PRPH2: variants seen among roughly 807,000 people sequenced by gnomAD.
PRPH2 encodes the protein peripherin 2, also known as peripherin-2.
A neutral mutation model predicts 31.3 loss-of-function variants in PRPH2; 17 were observed. The observed-to-expected ratio is 0.54, with a 90% CI of 0.37 to 0.81. The LOEUF (loss-of-function observed/expected upper bound fraction) is 0.81. Among genes scored for constraint, PRPH2 ranks in the 40% least tolerant of loss-of-function variants. The pLI, the probability that PRPH2 is intolerant of heterozygous loss-of-function variation, is 0.00. For synonymous variants in PRPH2, 165 were observed against 184.4 expected (o/e 0.89, Z 0.85); for missense variants, 430 against 439.7 (o/e 0.98, Z 0.20).
chr6:42,707,747 A>G (rs1023489693), intron 1 of PRPH2, among the ~76,000 whole-genome samples: 3 of 152,146 alleles, frequency 2.0e-5, no homozygotes, highest in Non-Finnish European at 4.4e-5. Flanking sequence ...GAAGGGCTGC[A>G]TGAGGTGGCC....
chr6:42,710,981 G>A (rs937074644), intron 1 of PRPH2, among the ~76,000 whole-genome samples: 1 of 152,196 alleles, frequency 6.6e-6, no homozygotes, highest in Non-Finnish European at 1.5e-5. Flanking sequence ...GAAATTAAAT[G>A]GGATCATACA....
At chr6:42,707,251 G>T (rs1800186576) in intron 1 of PRPH2, among the ~76,000 whole-genome samples, 1 of 152,120 alleles carries the variant, frequency 6.6e-6, no homozygotes, top group Non-Finnish European at 1.5e-5. Flanking sequence ...GTTTGTTAAT[G>T]AGCTGCATGG....
At position 42,698,428 on chromosome 6, in the gene PRPH2, C is replaced by T; in HGVS notation, c.908G>A (p.Ser303Asn). The T allele has an allele frequency of 6.2e-7, 1 of 1,612,420 alleles. No homozygotes were observed. Among genetic ancestry groups the T allele is most frequent in the Non-Finnish European group, 8.5e-7 (1 of 1,178,690 alleles). ...GCTCCTCTCCAGCAGCCAGCCCTGG[C>T]TCTCGCTCTCAGATTCCTCGGGGTT... ...VSNPEESESE[S>N]QGWLLERSVP... Residue 303 changes from serine to asparagine, a missense_variant, in exon 3 of 3, where the codon AGC (serine) becomes AAC (asparagine). Transcript: ENST00000230381.
intron 1 of PRPH2, 123 bp downstream of exon 1, chr6:42,721,631 T>A: frequency 2.7e-6 from 3 of 1,116,964 alleles, no homozygotes; most frequent in Admixed American, 1.7e-5. Flanking sequence ...TACGCAGCAA[T>A]AAGTTGTGCA....
At chr6:42,716,443 G>A (rs1168505637) in intron 1 of PRPH2, among the ~76,000 whole-genome samples, 1 of 150,458 alleles carries the variant, frequency 6.6e-6, no homozygotes, top group Non-Finnish European at 1.5e-5. Context: ...TTAAGGCAGG[G>A]TCTCACTCTG....
At position 42,696,818 on chromosome 6, in the gene PRPH2, G is replaced by A. The variant is rs532597660; in HGVS notation, c.*1477C>T. The A allele has an allele frequency of 6.6e-6, 1 of 151,958 alleles. No homozygotes were observed. The highest frequency in any genetic ancestry group is 6.6e-5 in the Admixed American group (1 of 15,266). 9.4% of individuals were successfully genotyped at this position (151,958 alleles called of 1,614,324 possible). On this transcript the variant is annotated 3_prime_UTR_variant, in exon 3 of 3. Coordinates refer to ENST00000230381, the MANE Select transcript of PRPH2 (RefSeq NM_000322.5). ...AAATCTAATTAAACTTGGGACCAAC[G>A]TCTGACAGGGTGTCCAAACATCTTG...
chr6:42,699,044 CTTCTTTTTT>C lies in PRPH2; in HGVS notation c.829-546_829-538del, dbSNP rs1562420493. ...CCTTTTCTGCATCTGATGTGTGGTA[CTTCTTTTTT>C]TTTTTTTTTTTTTTTTTTGAGACAA... On this transcript the variant is annotated intron_variant, in intron 2 of 2. Coordinates refer to ENST00000230381, the MANE Select transcript of PRPH2 (RefSeq NM_000322.5). Among the ~76,000 whole-genome samples the C allele has an allele frequency of 1.4e-5, 2 of 144,724 alleles. 1 individual carries two copies. The highest frequency in any genetic ancestry group is 4.3e-4 in the South Asian group (2 of 4,644). The allele number at this position is 144,724 out of a possible 152,430, so 94.9% of individuals were successfully genotyped here.
Position 42,704,745 on chromosome 6 carries a change from G to A in PRPH2, c.582-134C>T, listed in dbSNP as rs528197804. 2.0e-4 allele frequency: 266 copies of A among 1,340,554 alleles called. 2 individuals carry two copies. The South Asian group carries it at 2.9e-3, about 15-fold the overall frequency. 83.0% of individuals were successfully genotyped at this position (1,340,554 alleles called of 1,614,324 possible). On this transcript the variant is annotated intron_variant, in intron 1 of 2. Transcript: ENST00000230381. ...CTTGGTATATATTTGCTGTGCGCCCGCTACGTGCCAGTCACTGTTCTAGGC... is the reference window on the plus strand; with the variant it reads ...CTTGGTATATATTTGCTGTGCGCCCACTACGTGCCAGTCACTGTTCTAGGC...
chr6:42,713,565 A>G (rs556057182), intron 1 of PRPH2, among the ~76,000 whole-genome samples: 15 of 151,992 alleles, frequency 9.9e-5, no homozygotes, highest in Non-Finnish European at 1.6e-4. Flanking sequence ...ATGTTTTCCA[A>G]CCCTGCATCA....
At chr6:42,702,398 GA>G (rs936350590) in intron 2 of PRPH2, among the ~76,000 whole-genome samples, 47 of 151,878 alleles carry the variant, frequency 3.1e-4, no homozygotes, top group Admixed American at 1.5e-3. Context: ...CTCCTCAATG[GA>G]AAAAGCTTCC....
intron 1 of PRPH2, among the ~76,000 whole-genome samples, chr6:42,710,014 C>T (rs1207274728): frequency 6.6e-6 from 1 of 152,178 alleles, no homozygotes; most frequent in African/African-American, 2.4e-5. Context: ...GGCTCTGAGC[C>T]ACCCTCAGTC....
intron 1 of PRPH2, among the ~76,000 whole-genome samples, chr6:42,714,158 C>T (rs1233004772): frequency 1.3e-5 from 2 of 152,084 alleles, no homozygotes; most frequent in Non-Finnish European, 2.9e-5. Context: ...AATATTATTT[C>T]ACCATATAAA....
intron 1 of PRPH2, among the ~76,000 whole-genome samples, chr6:42,717,893 C>T (rs1316175684): frequency 1.3e-5 from 2 of 152,066 alleles, no homozygotes; most frequent in Admixed American, 6.6e-5. Context: ...GGACTGGGCG[C>T]GGTGGCTCAT....
intron 1 of PRPH2, among the ~76,000 whole-genome samples, chr6:42,721,229 A>T (rs1406259553): frequency 6.6e-6 from 1 of 152,174 alleles, no homozygotes; most frequent in Non-Finnish European, 1.5e-5. Context: ...AGATCTCATG[A>T]CTTCCCCTTC....
rs140227298 is a variant in PRPH2 at position 42,721,989 on chromosome 6, C to A, written c.346G>T (p.Ala116Ser). 156 of 1,614,110 alleles carry A rather than the reference C, an allele frequency of 9.7e-5. No homozygotes were observed. In the East Asian group the frequency reaches 3.5e-3, roughly 36 times the overall value. The change falls in exon 1 of 3, where the codon GCT (alanine) becomes TCT (serine). Residue 116 changes from alanine to serine, a missense_variant. Coordinates refer to ENST00000230381, the MANE Select transcript of PRPH2 (RefSeq NM_000322.5). The stretch of plus-strand genomic sequence containing the variant: ...CCCCGAAGCAGAAAGCAGCAGAGAG[C>A]CACAAGGAAGAGGATGATGTTGAAG... ...VLFNIILFLV[A>S]LCCFLLRGSL... is the part of the protein sequence containing the mutation.
In PRPH2 at chr6:42,721,933, G is replaced by C. The variant is rs574930557; in HGVS notation, c.402C>G (p.Leu134=). 6.2e-7 allele frequency: 1 copy of C among 1,614,134 alleles called. No individual in the cohort carries two copies. The highest frequency in any genetic ancestry group is 1.3e-5 in the African/African-American group (1 of 75,032). ...GSLENTLGQG[L]KNGMKYYRDT... The stretch of plus-strand genomic sequence containing the variant: ...CCCGGTAGTACTTCATGCCGTTCTT[G>C]AGCCCTTGGCCCAGGGTGTTCTCCA... The change falls in exon 1 of 3, where the codon CTC becomes CTG. Residue 134 remains leucine, a synonymous_variant. Transcript: ENST00000230381.
chr6:42,718,781 T>G (rs989442659), intron 1 of PRPH2, among the ~76,000 whole-genome samples: 6 of 152,008 alleles, frequency 3.9e-5, no homozygotes, highest in African/African-American at 1.5e-4. Flanking sequence ...GCCTCCTGAG[T>G]AGCTAGGACC....
At chr6:42,702,585 C>A (rs1201792929) in intron 2 of PRPH2, among the ~76,000 whole-genome samples, 1 of 151,716 alleles carries the variant, frequency 6.6e-6, no homozygotes, top group African/African-American at 2.4e-5. Flanking sequence ...TATCTCTGAC[C>A]ACGTGTGGTG....
At chr6:42,709,035 A>G (rs9471907) in intron 1 of PRPH2, among the ~76,000 whole-genome samples, 41,247 of 152,034 alleles carry the variant, frequency 0.27, 6,171 homozygotes, top group African/African-American at 0.4. Context: ...AAGCCACACA[A>G]GAAGTCGGGG....
Sources: allele counts gnomAD v4.1 joint callset (sites outside exome capture counted in the v4.1 genomes callset), GRCh38; gene constraint gnomAD v4.1.1; transcripts MANE v1.5; gene names NCBI Gene and HGNC (gene_info 2026-07-23, HGNC 2026-07-21).